Variants in SORCS3 observed in about 807,000 individuals in gnomAD.
SORCS3 encodes sortilin related VPS10 domain containing receptor 3.
SORCS3 carries 57 observed loss-of-function variants against 146.3 expected under a neutral mutation model. That is an observed-to-expected ratio of 0.39 (90% CI 0.31 to 0.49). The LOEUF (loss-of-function observed/expected upper bound fraction) is 0.49, where lower values mean the gene tolerates loss of function less well. Ranked by LOEUF, SORCS3 falls within the 20% of genes least tolerant of loss-of-function variation. The pLI, the probability that SORCS3 is intolerant of heterozygous loss-of-function variation, is 0.92. For missense variants in SORCS3, 1,341 were observed against 1,575.5 expected (o/e 0.85, Z 2.52); for synonymous variants, 653 against 618.5 (o/e 1.06, Z -0.83).
intron 4 of SORCS3, among the ~76,000 whole-genome samples, chr10:104,994,550 C>T (rs1321757106): frequency 6.6e-6 from 1 of 152,170 alleles, no homozygotes. Flanking sequence ...AGAATCTGAG[C>T]AAATCCGTCA....
At chr10:105,129,409 C>T (rs947039466) in intron 7 of SORCS3, among the ~76,000 whole-genome samples, 4 of 141,860 alleles carry the variant, frequency 2.8e-5, no homozygotes, top group Non-Finnish European at 6.0e-5. Flanking sequence ...TTTTTGAGCA[C>T]AGAGAGGGGG....
At chr10:104,680,295 A>G (rs1179729549) in intron 1 of SORCS3, among the ~76,000 whole-genome samples, 4 of 152,208 alleles carry the variant, frequency 2.6e-5, no homozygotes, top group Non-Finnish European at 5.9e-5. Context: ...CAGCATTCAC[A>G]CGGGGGCAGT....
intron 18 of SORCS3, among the ~76,000 whole-genome samples, chr10:105,216,571 G>A (rs554297364): frequency 6.6e-6 from 1 of 152,238 alleles, no homozygotes; most frequent in East Asian, 1.9e-4. Flanking sequence ...GTAACTATTA[G>A]CTGCTACTAT....
chr10:104,725,848 G>T (rs1402592042), intron 1 of SORCS3, among the ~76,000 whole-genome samples: 1 of 152,224 alleles, frequency 6.6e-6, no homozygotes, highest in African/African-American at 2.4e-5. Context: ...GGGTGGGAGT[G>T]ACCCGGTTTT....
chr10:104,876,017 C>T (rs964165098), intron 2 of SORCS3, among the ~76,000 whole-genome samples: 3 of 152,038 alleles, frequency 2.0e-5, no homozygotes, highest in Non-Finnish European at 4.4e-5. Context: ...ATGTTTTTTT[C>T]CCCTAGTTAC....
At chr10:105,024,865 T>G (rs1427326342) in intron 4 of SORCS3, among the ~76,000 whole-genome samples, 2 of 152,226 alleles carry the variant, frequency 1.3e-5, no homozygotes, top group Non-Finnish European at 2.9e-5. Flanking sequence ...GTGTGCCTGG[T>G]AAGTAACATT....
At chr10:105,010,458 C>T (rs1589592657) in intron 4 of SORCS3, among the ~76,000 whole-genome samples, 1 of 152,214 alleles carries the variant, frequency 6.6e-6, no homozygotes, top group Non-Finnish European at 1.5e-5. Context: ...GGCATCTTAT[C>T]ACACTGGCCA....
chr10:104,970,592 A>G (rs1285415691), intron 3 of SORCS3, among the ~76,000 whole-genome samples: 2 of 152,190 alleles, frequency 1.3e-5, no homozygotes, highest in Non-Finnish European at 2.9e-5. Flanking sequence ...TATTTGGTCT[A>G]TGATTACTCT....
intron 1 of SORCS3, among the ~76,000 whole-genome samples, chr10:104,760,877 A>C (rs1336755569): frequency 8.5e-5 from 13 of 152,176 alleles, no homozygotes; most frequent in South Asian, 4.2e-4. Flanking sequence ...CTTAACAATG[A>C]GGATTCTGAA....
At chr10:104,847,085 C>T (rs2018214508) in intron 2 of SORCS3, among the ~76,000 whole-genome samples, 6 of 152,202 alleles carry the variant, frequency 3.9e-5, no homozygotes, top group Admixed American at 3.9e-4. Flanking sequence ...ACATCTTTCT[C>T]ATTTCCATGA....
chr10:105,196,080 C>T (rs2056542464), intron 14 of SORCS3, among the ~76,000 whole-genome samples: 1 of 152,152 alleles, frequency 6.6e-6, no homozygotes, highest in Admixed American at 6.5e-5. Context: ...GACTGAGCAC[C>T]TATTCTTGTG....
chr10:104,790,215 A>G (rs2017480287), intron 1 of SORCS3, among the ~76,000 whole-genome samples: 1 of 152,242 alleles, frequency 6.6e-6, no homozygotes, highest in Admixed American at 6.5e-5. Context: ...TAAGGTGCAT[A>G]AATTCAAGTA....
At chr10:104,977,629 T>A (rs1185815864) in intron 4 of SORCS3, 136 bp downstream of exon 4, 4 of 805,258 alleles carry the variant, frequency 5.0e-6, no homozygotes, top group Non-Finnish European at 7.3e-6. Context: ...TCATCATTGA[T>A]TTTGTCTGCA....
At chr10:104,705,122 A>G (rs1253607967) in intron 1 of SORCS3, among the ~76,000 whole-genome samples, 2 of 152,116 alleles carry the variant, frequency 1.3e-5, no homozygotes, top group African/African-American at 4.8e-5. Context: ...TCTGAACTTT[A>G]GGGGAATCAT....
chr10:104,687,869 CAT>C (rs2016066611), intron 1 of SORCS3, among the ~76,000 whole-genome samples: 1 of 152,146 alleles, frequency 6.6e-6, no homozygotes. Flanking sequence ...GTACTGAAAA[CAT>C]ATGGTTTTCA....
chr10:105,075,929 C>G (rs918333741), intron 5 of SORCS3, among the ~76,000 whole-genome samples: 1 of 152,190 alleles, frequency 6.6e-6, no homozygotes, highest in African/African-American at 2.4e-5. Context: ...GGTCTTTATA[C>G]CAGTCCAGTG....
At chr10:104,835,782 C>T (rs893531759) in intron 1 of SORCS3, among the ~76,000 whole-genome samples, 1 of 152,246 alleles carries the variant, frequency 6.6e-6, no homozygotes, top group East Asian at 1.9e-4. Context: ...ACCTTTCCAC[C>T]AAATATGAGT....
intron 7 of SORCS3, among the ~76,000 whole-genome samples, chr10:105,118,718 G>A (rs1279628744): frequency 6.6e-6 from 1 of 152,132 alleles, no homozygotes; most frequent in Admixed American, 6.5e-5. Context: ...CTGGAGTAAA[G>A]GTCACTCTTG....
At chr10:105,214,713 G>C in intron 18 of SORCS3, 100 bp downstream of exon 18, 1 of 1,174,446 alleles carries the variant, frequency 8.5e-7, no homozygotes, top group South Asian at 1.6e-5. Flanking sequence ...CTGCACCAAA[G>C]TCAATGGTGA....
Sources: gnomAD v4.1 joint callset for allele counts (sites outside exome capture counted in the v4.1 genomes callset) on GRCh38, gnomAD v4.1.1 for gene constraint, MANE v1.5 for transcripts, NCBI Gene and HGNC (gene_info 2026-07-23, HGNC 2026-07-21) for gene names.